CTNNA2: variants seen among roughly 807,000 people sequenced by gnomAD.
The protein encoded by CTNNA2 is catenin alpha-2.
CTNNA2 carries 42 observed loss-of-function variants against 101.0 expected under a neutral mutation model. The ratio of observed to expected loss-of-function variants is 0.42; its 90% CI spans 0.32 to 0.54. The LOEUF (loss-of-function observed/expected upper bound fraction) is 0.54. CTNNA2 is among the 20% of genes least tolerant of loss of function. The probability of loss-of-function intolerance (pLI) is 0.14; values close to 1 mark genes in which losing one functional copy is unlikely to be tolerated. For synonymous variants in CTNNA2, 450 were observed against 456.4 expected (o/e 0.99, Z 0.18); for missense variants, 871 against 1,223.1 (o/e 0.71, Z 4.29).
chr2:80,124,754 T>C (rs1016185110), intron 7 of CTNNA2, among the ~76,000 whole-genome samples: 3 of 152,100 alleles, frequency 2.0e-5, no homozygotes, highest in African/African-American at 7.2e-5. Context: ...TTGAGCGAGG[T>C]TACCCCTCCC....
At chr2:79,425,122 C>T (rs1220415885) in intron 4 of CTNNA2, among the ~76,000 whole-genome samples, 1 of 152,042 alleles carries the variant, frequency 6.6e-6, no homozygotes, top group African/African-American at 2.4e-5. Context: ...ATAAAAAATC[C>T]TGTTGCCACT....
chr2:80,110,543 G>C (rs1701152878), intron 7 of CTNNA2, among the ~76,000 whole-genome samples: 1 of 152,182 alleles, frequency 6.6e-6, no homozygotes, highest in East Asian at 1.9e-4. Context: ...CTAAAGAAGA[G>C]TAGCAGAGAG....
At chr2:79,714,405 T>C (rs1433499356) in intron 2 of CTNNA2, among the ~76,000 whole-genome samples, 2 of 152,202 alleles carry the variant, frequency 1.3e-5, no homozygotes, top group African/African-American at 2.4e-5. Flanking sequence ...ATTTATTTTC[T>C]CAGTTTGTCT....
chr2:80,646,384 CTA>C (rs1558676944), intron 18 of CTNNA2, among the ~76,000 whole-genome samples: 2 of 152,102 alleles, frequency 1.3e-5, no homozygotes, highest in Admixed American at 1.3e-4. Flanking sequence ...AAAGATCAGA[CTA>C]TGCTCAAACA....
intron 1 of CTNNA2, among the ~76,000 whole-genome samples, chr2:79,622,618 T>C (rs983180701): frequency 2.0e-5 from 3 of 152,206 alleles, no homozygotes; most frequent in Admixed American, 2.0e-4. Flanking sequence ...ACCACTTCAG[T>C]TTATTTCAAC....
intron 2 of CTNNA2, among the ~76,000 whole-genome samples, chr2:79,289,445 G>T (rs185100869): frequency 9.2e-5 from 14 of 152,094 alleles, no homozygotes. Context: ...CGAGTGGTGG[G>T]CTAATGAGTC....
At chr2:79,669,805 C>T (rs1682700405) in intron 2 of CTNNA2, among the ~76,000 whole-genome samples, 1 of 152,168 alleles carries the variant, frequency 6.6e-6, no homozygotes, top group African/African-American at 2.4e-5. Context: ...CTGCCCTGTT[C>T]TGGCTGAGCC....
intron 9 of CTNNA2, among the ~76,000 whole-genome samples, chr2:80,518,334 C>G (rs1342653012): frequency 1.3e-5 from 2 of 152,138 alleles, no homozygotes; most frequent in African/African-American, 2.4e-5. Flanking sequence ...CAAGTTCTCC[C>G]CTTCTTCCTA....
chr2:80,092,653 G>A (rs1051175203), intron 7 of CTNNA2, among the ~76,000 whole-genome samples: 1 of 152,046 alleles, frequency 6.6e-6, no homozygotes, highest in Non-Finnish European at 1.5e-5. Flanking sequence ...AGGAAGACAA[G>A]ATCATTGCCA....
chr2:80,319,642 A>C (rs1678491323), intron 7 of CTNNA2, among the ~76,000 whole-genome samples: 1 of 152,164 alleles, frequency 6.6e-6, no homozygotes. Flanking sequence ...ATGTAGTGAG[A>C]CTGTATCTGG....
At chr2:79,950,445 A>G (rs1688801717) in intron 7 of CTNNA2, among the ~76,000 whole-genome samples, 1 of 152,314 alleles carries the variant, frequency 6.6e-6, no homozygotes, top group East Asian at 1.9e-4. Flanking sequence ...TTTTTGTTAG[A>G]TATGAAATAC....
intron 15 of CTNNA2, among the ~76,000 whole-genome samples, chr2:80,597,036 C>T (rs1697045907): frequency 6.6e-6 from 1 of 152,132 alleles, no homozygotes; most frequent in South Asian, 2.1e-4. Context: ...TTGAACCAAC[C>T]TTGCATCCCA....
intron 7 of CTNNA2, among the ~76,000 whole-genome samples, chr2:80,375,714 G>C (rs1045060525): frequency 2.0e-5 from 3 of 151,734 alleles, no homozygotes; most frequent in African/African-American, 7.3e-5. Flanking sequence ...ACAGGCGCCC[G>C]CCACAATGCC....
intron 1 of CTNNA2, among the ~76,000 whole-genome samples, chr2:79,594,780 C>A (rs1677081843): frequency 2.6e-5 from 4 of 152,048 alleles, no homozygotes; most frequent in Admixed American, 2.6e-4. Context: ...GAAGTGAAAT[C>A]TATACTCTGA....
intron 17 of CTNNA2, 97 bp downstream of exon 17, chr2:80,608,415 A>G (rs1238904317): frequency 1.6e-6 from 2 of 1,289,364 alleles, no homozygotes; most frequent in African/African-American, 1.5e-5. Flanking sequence ...ACCAAACTAC[A>G]GTGATTTATA....
rs1673649231 is a variant in CTNNA2 at position 80,642,929 on chromosome 2, G to A, written c.2575-4656G>A. On this transcript the variant is annotated intron_variant, in intron 18 of 18. Transcript: ENST00000402739. The stretch of plus-strand genomic sequence containing the variant: ...GGAACAGAAATCTTTTAGAAGTTGA[G>A]TGGTATTAAGAAGAGTAGGAATAGA... 3.3e-5 allele frequency among the ~76,000 whole-genome samples: 5 copies of A among 152,202 alleles called. No individual in the cohort carries two copies. The South Asian group carries it at 8.3e-4, about 25-fold the overall frequency.
At chr2:80,532,066 A>AC (rs1439033283) in intron 9 of CTNNA2, among the ~76,000 whole-genome samples, 3 of 152,162 alleles carry the variant, frequency 2.0e-5, no homozygotes, top group African/African-American at 7.2e-5. Flanking sequence ...ATTTATAGAA[A>AC]CAGGTGGTCA....
chr2:80,549,160 T>C (rs1692342503), intron 11 of CTNNA2, among the ~76,000 whole-genome samples: 2 of 152,188 alleles, frequency 1.3e-5, no homozygotes, highest in Non-Finnish European at 2.9e-5. Context: ...AGTCAAACTT[T>C]TTCCCACTTT....
chr2:79,782,752 C>A (rs1373964089), intron 3 of CTNNA2, among the ~76,000 whole-genome samples: 1 of 152,144 alleles, frequency 6.6e-6, no homozygotes, highest in Non-Finnish European at 1.5e-5. Flanking sequence ...GGGTAGAATG[C>A]AGCAGCTATT....
Sources: allele counts gnomAD v4.1 joint callset (sites outside exome capture counted in the v4.1 genomes callset), GRCh38; gene constraint gnomAD v4.1.1; transcripts MANE v1.5; gene names NCBI Gene and HGNC (gene_info 2026-07-23, HGNC 2026-07-21).